The following EXOC4 variants were observed in gnomAD, a reference collection of about 807,000 sequenced individuals.
EXOC4 encodes the protein SEC8-like 1.
In EXOC4, 71 loss-of-function variants were observed where a neutral mutation model predicts 107.2. The observed-to-expected ratio is 0.66, with a 90% CI of 0.55 to 0.81. The LOEUF (loss-of-function observed/expected upper bound fraction) is 0.81. Ranked by LOEUF, EXOC4 falls within the 30% of genes least tolerant of loss-of-function variation. The pLI, the probability that EXOC4 is intolerant of heterozygous loss-of-function variation, is 0.00. For missense variants in EXOC4, 1,108 were observed against 1,189.6 expected, an observed-to-expected ratio of 0.93 and a Z score of 1.01; for synonymous variants, 456 against 441.2, an observed-to-expected ratio of 1.03 and a Z score of -0.42.
intron 1 of EXOC4, among the ~76,000 whole-genome samples, chr7:133,274,459 A>G (rs1167958752): frequency 6.6e-6 from 1 of 152,238 alleles, no homozygotes; most frequent in Non-Finnish European, 1.5e-5. Flanking sequence ...TTGGTGGCCA[A>G]GGACATAGTG....
At chr7:133,629,862 G>A (rs10262044) in intron 9 of EXOC4, among the ~76,000 whole-genome samples, 183 bp from the exon 10 acceptor site, 149,381 of 152,204 alleles carry the variant, frequency 0.98, 73,378 homozygotes, top group Middle Eastern at 1. Flanking sequence ...ATTCTAATCT[G>A]TTGTTTATTC....
intron 7 of EXOC4, among the ~76,000 whole-genome samples, chr7:133,423,326 A>T (rs1464915242): frequency 1.3e-5 from 2 of 152,234 alleles, no homozygotes; most frequent in Non-Finnish European, 2.9e-5. Context: ...TTAATTCTAG[A>T]ATTCTTCTAG....
At chr7:133,892,855 C>T (rs1799226015) in intron 11 of EXOC4, among the ~76,000 whole-genome samples, 1 of 143,790 alleles carries the variant, frequency 7.0e-6, no homozygotes, top group Non-Finnish European at 1.5e-5. Context: ...ACTATGTGGT[C>T]AATTTTGGAA....
At chr7:133,629,519 T>G (rs190425785) in intron 9 of EXOC4, among the ~76,000 whole-genome samples, 44 of 114,910 alleles carry the variant, frequency 3.8e-4, no homozygotes, top group Admixed American at 1.8e-3. Flanking sequence ...AAAGTGCTGT[T>G]TTTTGTTTTG....
chr7:133,645,003 C>T (rs1464539399), intron 10 of EXOC4, among the ~76,000 whole-genome samples: 1 of 151,994 alleles, frequency 6.6e-6, no homozygotes, highest in African/African-American at 2.4e-5. Flanking sequence ...TTTCTCTCTA[C>T]TCGATGCCCT....
At chr7:133,343,834 GA>G (rs888965760) in intron 5 of EXOC4, among the ~76,000 whole-genome samples, 24 of 150,984 alleles carry the variant, frequency 1.6e-4, no homozygotes, top group Non-Finnish European at 2.8e-4. Context: ...TTATCTTTGA[GA>G]TTTTTTTTTT....
chr7:133,338,016 T>C (rs1307218211), intron 5 of EXOC4, among the ~76,000 whole-genome samples: 6 of 151,626 alleles, frequency 4.0e-5, no homozygotes, highest in Admixed American at 2.6e-4. Context: ...TCTTTCTTTT[T>C]TTTTTTTTTA....
At chr7:133,508,108 G>A (rs764522948) in intron 9 of EXOC4, among the ~76,000 whole-genome samples, 28 of 151,924 alleles carry the variant, frequency 1.8e-4, no homozygotes, top group Middle Eastern at 3.4e-3. Flanking sequence ...CAAATACACA[G>A]ATTTTTTTTT....
At chr7:134,007,899 AT>A in intron 17 of EXOC4, 64 bp downstream of exon 17, 4 of 1,437,270 alleles carry the variant, frequency 2.8e-6, no homozygotes, top group Non-Finnish European at 3.7e-6. Flanking sequence ...CTGTGAAGTC[AT>A]TTTTAAAAAT....
chr7:133,420,443 C>T (rs2150757973), intron 7 of EXOC4, among the ~76,000 whole-genome samples: 1 of 152,240 alleles, frequency 6.6e-6, no homozygotes, highest in Non-Finnish European at 1.5e-5. Flanking sequence ...GGATTCATGA[C>T]AACTTGCTTC....
intron 8 of EXOC4, among the ~76,000 whole-genome samples, 162 bp from the exon 9 acceptor site, chr7:133,479,888 C>T (rs976739368): frequency 3.9e-5 from 6 of 152,172 alleles, no homozygotes; most frequent in Non-Finnish European, 7.4e-5. Flanking sequence ...TCAAGGTCTG[C>T]GGCAGCTGGC....
chr7:134,076,517 C>T, the EXOC4 span, among the ~76,000 whole-genome samples: 1 of 148,984 alleles, frequency 6.7e-6, no homozygotes, highest in African/African-American at 2.5e-5. Flanking sequence ...GACTCTGTCT[C>T]AAAAAAAAAG....
intron 10 of EXOC4, among the ~76,000 whole-genome samples, chr7:133,736,429 A>G (rs1016794993): frequency 1.3e-4 from 20 of 152,216 alleles, no homozygotes; most frequent in African/African-American, 3.9e-4. Context: ...TTGGTCAGTG[A>G]TAAGTCTTCC....
At chr7:133,916,160 G>A (rs953202374) in intron 12 of EXOC4, among the ~76,000 whole-genome samples, 4 of 152,184 alleles carry the variant, frequency 2.6e-5, no homozygotes, top group South Asian at 2.1e-4. Flanking sequence ...TTAGTTTCTC[G>A]TAAGGAGCAT....
Position 133,505,225 on chromosome 7 carries a change from A to G in EXOC4, c.1417+25087A>G, listed in dbSNP as rs144372414. Among the ~76,000 whole-genome samples the G allele has an allele frequency of 9.2e-5, 14 of 152,232 alleles. No homozygotes were observed. In the East Asian group the frequency reaches 2.5e-3, roughly 27 times the overall value. On this transcript the variant is annotated intron_variant, in intron 9 of 17. Transcript: ENST00000253861. Reference sequence around the variant, plus strand: ...AAGGTTTATAGTGTGAATATCTTCTATCTGCTTTTTGAAAAACACATTTAA... The same window carrying G: ...AAGGTTTATAGTGTGAATATCTTCTGTCTGCTTTTTGAAAAACACATTTAA...
chr7:133,347,675 T>C (rs1174182658), intron 5 of EXOC4, among the ~76,000 whole-genome samples: 1 of 152,166 alleles, frequency 6.6e-6, no homozygotes, highest in South Asian at 2.1e-4. Flanking sequence ...TTAGCTTCAA[T>C]CACAGAGATG....
chr7:133,486,472 G>A (rs1799272118), intron 9 of EXOC4, among the ~76,000 whole-genome samples: 1 of 151,996 alleles, frequency 6.6e-6, no homozygotes, highest in East Asian at 1.9e-4. Flanking sequence ...GCAATATTAT[G>A]CTTATGACAT....
At chr7:133,653,861 A>G (rs1384578716) in intron 10 of EXOC4, among the ~76,000 whole-genome samples, 1 of 152,200 alleles carries the variant, frequency 6.6e-6, no homozygotes, top group Admixed American at 6.5e-5. Flanking sequence ...AGAACAGGAA[A>G]AGGGCAAGAG....
intron 9 of EXOC4, among the ~76,000 whole-genome samples, chr7:133,497,115 A>G (rs1343621770): frequency 6.6e-6 from 1 of 152,158 alleles, no homozygotes; most frequent in African/African-American, 2.4e-5. Context: ...AATTCTCCCA[A>G]CAATCAGAAT....
Sources: gnomAD v4.1 joint callset for allele counts (sites outside exome capture counted in the v4.1 genomes callset) on GRCh38, gnomAD v4.1.1 for gene constraint, MANE v1.5 for transcripts, NCBI Gene and HGNC (gene_info 2026-07-23, HGNC 2026-07-21) for gene names.